Variants in FGF12 observed in about 807,000 individuals in gnomAD.
FGF12 encodes the protein fibroblast growth factor 12, also known as fibroblast growth factor 12B.
FGF12 carries 14 observed loss-of-function variants against 23.6 expected under a neutral mutation model. The observed-to-expected ratio is 0.59, with a 90% CI of 0.39 to 0.93. The LOEUF (loss-of-function observed/expected upper bound fraction) is 0.93, where lower values mean the gene tolerates loss of function less well. FGF12 is among the 40% of genes least tolerant of loss of function. The probability of loss-of-function intolerance (pLI) is 0.00; values close to 1 mark genes in which losing one functional copy is unlikely to be tolerated. For synonymous variants in FGF12, 62 were observed against 77.3 expected (o/e 0.80, Z 1.04); for missense variants, 175 against 217.8 (o/e 0.80, Z 1.24).
chr3:192,409,904 C>T lies in FGF12; in HGVS notation c.14-49366G>A, dbSNP rs1721136111. ...GAGCCGCGGGCTTGCGGGGCGCCCC[C>T]CGCCGCCGCGCCGCCGCCTCCCCAG... On this transcript the variant is annotated intron_variant, in intron 2 of 5. Transcript: ENST00000445105. This position sits in a 1 kb window ranked among gnomAD's most constrained non-coding sequence, Gnocchi z 4.8. Among the ~76,000 whole-genome samples, 4 of 151,598 alleles carry T rather than the reference C, an allele frequency of 2.6e-5. No homozygotes were observed. The highest frequency in any genetic ancestry group is 2.9e-5 in the Non-Finnish European group (2 of 67,812).
intron 2 of FGF12, among the ~76,000 whole-genome samples, chr3:192,700,820 T>G (rs2108729615): frequency 6.6e-6 from 1 of 152,252 alleles, no homozygotes; most frequent in Admixed American, 6.5e-5. Flanking sequence ...CAAACAGAGA[T>G]CTTAAGATTG....
At chr3:192,576,920 A>G (rs1009658323) in intron 2 of FGF12, among the ~76,000 whole-genome samples, 1 of 152,200 alleles carries the variant, frequency 6.6e-6, no homozygotes, top group African/African-American at 2.4e-5. Context: ...CAGGGGATGA[A>G]GCTGGTAACC....
intron 2 of FGF12, among the ~76,000 whole-genome samples, chr3:192,363,850 C>T (rs1718853168): frequency 6.6e-6 from 1 of 152,180 alleles, no homozygotes; most frequent in Non-Finnish European, 1.5e-5. Context: ...AACTAACACA[C>T]GTTTATTTAT....
At chr3:192,406,252 A>G (rs988116017) in intron 2 of FGF12, among the ~76,000 whole-genome samples, 1 of 151,734 alleles carries the variant, frequency 6.6e-6, no homozygotes, top group Non-Finnish European at 1.5e-5. Context: ...AACTCCAGAG[A>G]TCAGGATCAG....
At chr3:192,505,783 G>A (rs558051111) in intron 2 of FGF12, among the ~76,000 whole-genome samples, 2 of 152,286 alleles carry the variant, frequency 1.3e-5, no homozygotes, top group South Asian at 4.1e-4. Flanking sequence ...TTATAAATCT[G>A]GGAAGGAGAT....
chr3:192,331,494 T>C (rs1717120512), intron 4 of FGF12, among the ~76,000 whole-genome samples: 1 of 152,024 alleles, frequency 6.6e-6, no homozygotes, highest in Admixed American at 6.6e-5. Flanking sequence ...TAACATACAA[T>C]GGAATATTTT....
intron 2 of FGF12, among the ~76,000 whole-genome samples, chr3:192,489,967 C>T (rs1257171423): frequency 6.6e-6 from 1 of 151,966 alleles, no homozygotes; most frequent in African/African-American, 2.4e-5. Context: ...ACACATGTAC[C>T]CCTGAATTTA....
At chr3:192,614,404 C>A (rs1714670292) in intron 2 of FGF12, among the ~76,000 whole-genome samples, 1 of 151,754 alleles carries the variant, frequency 6.6e-6, no homozygotes, top group African/African-American at 2.4e-5. Flanking sequence ...AGGAAGAAAC[C>A]TATATCCTGC....
At chr3:192,246,410 T>C (rs1711566037) in intron 4 of FGF12, among the ~76,000 whole-genome samples, 2 of 152,206 alleles carry the variant, frequency 1.3e-5, no homozygotes, top group Admixed American at 1.3e-4. Context: ...CTTAAGATGT[T>C]GTAGATAGAT....
chr3:192,305,856 T>G (rs1304756911), intron 4 of FGF12, among the ~76,000 whole-genome samples: 20 of 119,624 alleles, frequency 1.7e-4, no homozygotes, highest in Admixed American at 4.8e-4. Context: ...TCTCTCTGGT[T>G]TTTTTTTTTT....
chr3:192,382,493 T>C (rs1183074342), intron 2 of FGF12, among the ~76,000 whole-genome samples: 1 of 152,080 alleles, frequency 6.6e-6, no homozygotes, highest in Non-Finnish European at 1.5e-5. Context: ...CTTTCTTCGC[T>C]TACCAATTCT....
chr3:192,330,038 A>C (rs938380839), intron 4 of FGF12, among the ~76,000 whole-genome samples: 1 of 152,156 alleles, frequency 6.6e-6, no homozygotes, highest in African/African-American at 2.4e-5. Flanking sequence ...TGTGAGATTA[A>C]ATTTAATCAA....
At chr3:192,235,368 C>T (rs113316631) in intron 4 of FGF12, among the ~76,000 whole-genome samples, 8,060 of 152,146 alleles carry the variant, frequency 0.053, 259 homozygotes, top group South Asian at 0.081. Flanking sequence ...AATGCAGTGG[C>T]GCAATCTTGG....
In FGF12 at chr3:192,140,060, A is replaced by T. The variant is rs534327112; in HGVS notation, c.*3949T>A. The T allele has an allele frequency of 6.6e-6, 1 of 152,204 alleles. No individual in the cohort carries two copies. The highest frequency in any genetic ancestry group is 1.9e-4 in the East Asian group (1 of 5,188). 9.4% of individuals were successfully genotyped at this position (152,204 alleles called of 1,614,324 possible). A position where few individuals can be genotyped will look rare whatever the true frequency, so the allele number is the denominator to read the frequency against. ...CCCACCTGTTTCTTTTTTATTATAA[A>T]GTGGCAATTTGTACCATCATTAGAA... On this transcript the variant is annotated 3_prime_UTR_variant, in exon 6 of 6. Coordinates refer to ENST00000445105, the MANE Select transcript of FGF12 (RefSeq NM_004113.6).
chr3:192,169,835 G>A (rs1162114847), intron 5 of FGF12, among the ~76,000 whole-genome samples: 38 of 139,726 alleles, frequency 2.7e-4, no homozygotes, highest in East Asian at 8.3e-4. Flanking sequence ...GGTTTCCTCA[G>A]AAAAAAAAAA....
intron 5 of FGF12, among the ~76,000 whole-genome samples, chr3:192,167,098 T>C (rs1315567463): frequency 6.6e-6 from 1 of 151,358 alleles, no homozygotes; most frequent in Non-Finnish European, 1.5e-5. Flanking sequence ...GCAGAGTTTT[T>C]AGTGTCTCAA....
chr3:192,626,746 A>G (rs1026774215), intron 2 of FGF12, among the ~76,000 whole-genome samples: 1 of 151,978 alleles, frequency 6.6e-6, no homozygotes, highest in Non-Finnish European at 1.5e-5. Flanking sequence ...CTCAGTAGCT[A>G]GGTGTGCTCC....
chr3:192,714,512 A>ATTTT (rs1411404676), intron 2 of FGF12, among the ~76,000 whole-genome samples: 1 of 124,184 alleles, frequency 8.1e-6, no homozygotes, highest in Admixed American at 8.5e-5. Context: ...TTAAGGAAAT[A>ATTTT]ATTTTTTTTT....
At chr3:192,560,369 C>T (rs1711969307) in intron 2 of FGF12, among the ~76,000 whole-genome samples, 2 of 151,260 alleles carry the variant, frequency 1.3e-5, no homozygotes, top group Admixed American at 1.3e-4. Flanking sequence ...GAGCAAAAAT[C>T]AAAATATAAA....
Sources: gnomAD v4.1 joint callset for allele counts (sites outside exome capture counted in the v4.1 genomes callset) on GRCh38, gnomAD v4.1.1 for gene constraint, Gnocchi (gnomAD v3.1) non-coding constraint, MANE v1.5 for transcripts, NCBI Gene and HGNC (gene_info 2026-07-23, HGNC 2026-07-21) for gene names.